Variants in NEK1 observed in about 807,000 individuals in gnomAD.
NEK1 encodes the protein serine/threonine-protein kinase Nek1.
NEK1 carries 137 observed loss-of-function variants against 182.1 expected under a neutral mutation model. That is an observed-to-expected ratio of 0.75 (90% confidence interval 0.65 to 0.87). NEK1 has a LOEUF of 0.87. Among genes scored for constraint, NEK1 ranks in the 40% least tolerant of loss-of-function variants. NEK1 has a pLI of 0.00. For synonymous variants in NEK1, 513 were observed against 492.2 expected (o/e 1.04, Z -0.56); for missense variants, 1,391 against 1,494.4 (o/e 0.93, Z 1.14).
chr4:169,448,058 T>C (rs1455878917), intron 27 of NEK1, among the ~76,000 whole-genome samples: 1 of 150,122 alleles, frequency 6.7e-6, no homozygotes, highest in Non-Finnish European at 1.5e-5. Flanking sequence ...AAAAAAAAAA[T>C]ACAAAAAAAT....
intron 26 of NEK1, among the ~76,000 whole-genome samples, chr4:169,468,235 G>T (rs566404390): frequency 6.6e-6 from 1 of 151,942 alleles, no homozygotes; most frequent in African/African-American, 2.4e-5. Context: ...GAATACAAAC[G>T]ATTAGAGTCT....
chr4:169,566,278 C>T (rs1763662327), intron 12 of NEK1, among the ~76,000 whole-genome samples: 1 of 152,128 alleles, frequency 6.6e-6, no homozygotes, highest in African/African-American at 2.4e-5. Flanking sequence ...TATTCATCTT[C>T]TAATGGTTCA....
chr4:169,405,813 A>T lies in NEK1; in HGVS notation c.3374+783T>A, dbSNP rs375649663. 9.0e-4 allele frequency among the ~76,000 whole-genome samples: 137 copies of T among 152,114 alleles called. 1 individual carries two copies. The highest frequency in any genetic ancestry group is 2.8e-3 in the African/African-American group (118 of 41,510). On this transcript the variant is annotated intron_variant, in intron 32 of 35. Transcript: ENST00000507142. ...GGAAACAAACCTGGCTATTAAAAAA[A>T]TTTTTTTTGGCTAGGTGTGGTAGCT...
chr4:169,428,371 T>TATATATATATATATAA (rs1447545764), intron 29 of NEK1, among the ~76,000 whole-genome samples: 2 of 144,784 alleles, frequency 1.4e-5, no homozygotes, highest in South Asian at 4.4e-4. Context: ...TATATATATA[T>TATATATATATATATAA]AATGGAATAT....
At chr4:169,546,242 C>T (rs976234213) in intron 18 of NEK1, among the ~76,000 whole-genome samples, 3 of 152,118 alleles carry the variant, frequency 2.0e-5, no homozygotes, top group Non-Finnish European at 2.9e-5. Flanking sequence ...TCTTTATTTA[C>T]CCAGTAGTCA....
chr4:169,602,702 A>G, intron 2 of NEK1, 24 bp from the exon 3 acceptor site: 1 of 782,152 alleles, frequency 1.3e-6, no homozygotes, highest in Non-Finnish European at 2.2e-6. Flanking sequence ...TAAAGCATTT[A>G]TAACATGAGA....
intron 18 of NEK1, among the ~76,000 whole-genome samples, chr4:169,543,006 T>C (rs1201323453): frequency 6.6e-6 from 1 of 152,218 alleles, no homozygotes; most frequent in Non-Finnish European, 1.5e-5. Context: ...ATCCCATTTG[T>C]CAATTTTATT....
intron 23 of NEK1, among the ~76,000 whole-genome samples, chr4:169,483,981 TA>T (rs1417519042): frequency 2.0e-5 from 3 of 152,198 alleles, no homozygotes; most frequent in African/African-American, 7.2e-5. Context: ...TTGTTTGTTT[TA>T]ATTACTATAG....
At chr4:169,436,521 C>T (rs545174557) in intron 28 of NEK1, among the ~76,000 whole-genome samples, 1 of 152,274 alleles carries the variant, frequency 6.6e-6, no homozygotes, top group African/African-American at 2.4e-5. Context: ...AAGGAATTAT[C>T]AAAGCAGAAC....
At position 169,612,543 on chromosome 4, in the gene NEK1, G is replaced by A. The variant is rs988795374; in HGVS notation, c.-494C>T. ...TGCTCGAGAGGCCAGGGTAGGGTAA[G>A]GACTCCGCAACCTAGGGTCCCAAAA... On this transcript the variant is annotated 5_prime_UTR_variant, in exon 1 of 36. Coordinates refer to ENST00000507142, the MANE Select transcript of NEK1 (RefSeq NM_001199397.3). 1.3e-5 allele frequency: 2 copies of A among 152,202 alleles called. No individual in the cohort carries two copies. The highest frequency in any genetic ancestry group is 1.9e-4 in the East Asian group (1 of 5,182). The allele number at this position is 152,202 out of a possible 1,614,324, so 9.4% of individuals were successfully genotyped here. A position where few individuals can be genotyped will look rare whatever the true frequency, so the allele number is the denominator to read the frequency against.
At chr4:169,566,394 GAAT>G in intron 12 of NEK1, among the ~76,000 whole-genome samples, 1 of 152,250 alleles carries the variant, frequency 6.6e-6, no homozygotes, top group Non-Finnish European at 1.5e-5. Context: ...ATAGTGAAGA[GAAT>G]AATACGAAAC....
chr4:169,493,338 C>G (rs61168726), intron 23 of NEK1, among the ~76,000 whole-genome samples: 14,767 of 152,242 alleles, frequency 0.097, 799 homozygotes, highest in East Asian at 0.17. Flanking sequence ...TGTCAGCTCA[C>G]TCAGATGAGA....
chr4:169,511,522 T>C (rs565499058), intron 19 of NEK1, among the ~76,000 whole-genome samples: 3 of 152,236 alleles, frequency 2.0e-5, no homozygotes, highest in Non-Finnish European at 4.4e-5. Context: ...ATATTATAGA[T>C]ATACAGAAAG....
At chr4:169,449,924 A>T (rs959893129) in intron 27 of NEK1, among the ~76,000 whole-genome samples, 1 of 152,186 alleles carries the variant, frequency 6.6e-6, no homozygotes. Flanking sequence ...GAAGCTAAAA[A>T]CCTTGAAGAA....
chr4:169,483,251 G>A (rs1475470865), intron 23 of NEK1, among the ~76,000 whole-genome samples: 2 of 152,122 alleles, frequency 1.3e-5, no homozygotes, highest in East Asian at 3.9e-4. Flanking sequence ...CATCTTATAT[G>A]GGTGAAGTCT....
At chr4:169,566,813 C>T (rs1350723907) in intron 12 of NEK1, among the ~76,000 whole-genome samples, 1 of 151,872 alleles carries the variant, frequency 6.6e-6, no homozygotes, top group African/African-American at 2.4e-5. Flanking sequence ...AAAAAAAAAT[C>T]AAGGGAAAGG....
intron 4 of NEK1, among the ~76,000 whole-genome samples, chr4:169,601,007 T>C (rs761962674): frequency 3.9e-5 from 6 of 152,130 alleles, no homozygotes; most frequent in Non-Finnish European, 7.4e-5. Flanking sequence ...AACTAAAGGA[T>C]AGATGCCAGG....
At chr4:169,482,461 T>TTTTC (rs562111623) in intron 23 of NEK1, among the ~76,000 whole-genome samples, 37 of 151,620 alleles carry the variant, frequency 2.4e-4, no homozygotes, top group African/African-American at 4.8e-4. Flanking sequence ...TCCAGCTAAT[T>TTTTC]TTTCTTTCTT....
intron 18 of NEK1, among the ~76,000 whole-genome samples, chr4:169,542,758 C>T (rs1293486576): frequency 6.8e-6 from 1 of 147,482 alleles, no homozygotes; most frequent in Non-Finnish European, 1.5e-5. Flanking sequence ...TGATGAAGAG[C>T]TTTTTTTTTT....
Sources: allele counts gnomAD v4.1 joint callset (sites outside exome capture counted in the v4.1 genomes callset), GRCh38; gene constraint gnomAD v4.1.1; transcripts MANE v1.5; gene names NCBI Gene and HGNC (gene_info 2026-07-23, HGNC 2026-07-21).